RTN4: variants seen among roughly 807,000 people sequenced by gnomAD.
The protein encoded by RTN4 is reticulon-4.
A neutral mutation model predicts 90.4 loss-of-function variants in RTN4; 32 were observed. The ratio of observed to expected loss-of-function variants is 0.35; its 90% confidence interval spans 0.27 to 0.48. RTN4 has a LOEUF of 0.48. Among genes scored for constraint, RTN4 ranks in the 20% least tolerant of loss-of-function variants. The pLI is 0.99. For synonymous variants in RTN4, 629 were observed against 552.5 expected, an observed-to-expected ratio of 1.14 and a Z score of -1.94; for missense variants, 1,706 against 1,430.2, an observed-to-expected ratio of 1.19 and a Z score of -3.11.
chr2:54,993,987 G>C (rs942726600), intron 3 of RTN4, among the ~76,000 whole-genome samples: 1 of 152,168 alleles, frequency 6.6e-6, no homozygotes, highest in African/African-American at 2.4e-5. Context: ...ACCAAACAGT[G>C]TGGCTGACTT....
At chr2:55,113,676 C>G (rs1009555), upstream of RTN4, among the ~76,000 whole-genome samples, 46,575 of 152,022 alleles carry the variant, frequency 0.31, 7,457 homozygotes, top group African/African-American at 0.39. Flanking sequence ...GTTTCACAAC[C>G]CACATCATCC....
intron 3 of RTN4, among the ~76,000 whole-genome samples, chr2:55,009,162 C>T (rs574158513): frequency 6.6e-6 from 1 of 151,932 alleles, no homozygotes; most frequent in East Asian, 1.9e-4. Context: ...GCCAATCCTG[C>T]TAGAAGGAAA....
chr2:55,090,585 C>T (rs112374918), intron 1 of RTN4, among the ~76,000 whole-genome samples: 41 of 152,252 alleles, frequency 2.7e-4, no homozygotes, highest in African/African-American at 7.5e-4. Flanking sequence ...CTGGAAGTTT[C>T]GCCAAAATCA....
At chr2:55,106,910 A>G (rs1667953619) in intron 1 of RTN4, among the ~76,000 whole-genome samples, 1 of 152,204 alleles carries the variant, frequency 6.6e-6, no homozygotes, top group Admixed American at 6.5e-5. Context: ...ACAGTACACA[A>G]ACACTAGCAC....
chr2:55,094,397 G>A (rs1447009972), intron 1 of RTN4, among the ~76,000 whole-genome samples: 2 of 152,196 alleles, frequency 1.3e-5, no homozygotes, highest in African/African-American at 4.8e-5. Flanking sequence ...CTGACAAAGA[G>A]AGTGTTTTAC....
intron 2 of RTN4, among the ~76,000 whole-genome samples, chr2:55,062,327 A>G (rs918653300): frequency 2.0e-5 from 3 of 152,082 alleles, no homozygotes; most frequent in Non-Finnish European, 4.4e-5. Flanking sequence ...TGAGCTGACT[A>G]ACACAAGCCG....
intron 3 of RTN4, among the ~76,000 whole-genome samples, chr2:55,024,418 T>C (rs1210708868): frequency 1.3e-5 from 2 of 152,140 alleles, no homozygotes; most frequent in Non-Finnish European, 2.9e-5. Flanking sequence ...ATAATCACTA[T>C]TTTAGAGAAA....
chr2:55,032,103 C>T (rs1291073986), intron 1 of RTN4, among the ~76,000 whole-genome samples: 1 of 150,384 alleles, frequency 6.6e-6, no homozygotes, highest in Non-Finnish European at 1.5e-5. Context: ...TTTTTTGAGG[C>T]GGAGTCTTGC....
chr2:54,975,483 G>A (rs573255097), intron 5 of RTN4, among the ~76,000 whole-genome samples: 47 of 152,268 alleles, frequency 3.1e-4, no homozygotes, highest in African/African-American at 1.1e-3. Flanking sequence ...TATCTAAAGC[G>A]GGGATCAGCA....
chr2:55,041,958 A>G (rs1191526424), intron 1 of RTN4, among the ~76,000 whole-genome samples: 2 of 152,062 alleles, frequency 1.3e-5, no homozygotes, highest in Non-Finnish European at 2.9e-5. Flanking sequence ...AGTTTTCAAG[A>G]CATATGACAA....
chr2:55,089,670 G>A (rs963009392), intron 1 of RTN4, among the ~76,000 whole-genome samples: 10 of 152,176 alleles, frequency 6.6e-5, no homozygotes, highest in Non-Finnish European at 1.2e-4. Flanking sequence ...GTTTCTAGTC[G>A]TCATTTCCCA....
chr2:55,050,732 T>C (rs201992141), upstream of RTN4: 3 of 153,978 alleles, frequency 1.9e-5, no homozygotes, highest in Admixed American at 6.5e-5. The surrounding 1 kb of genome is among the most constrained non-coding windows in gnomAD (Gnocchi z 4.6). Context: ...GGGATTGCGT[T>C]CAATGGGCGG....
intron 1 of RTN4, among the ~76,000 whole-genome samples, chr2:55,100,552 G>C (rs943022255): frequency 1.3e-5 from 2 of 152,104 alleles, no homozygotes; most frequent in Admixed American, 6.6e-5. Context: ...CCTGTGGGCT[G>C]TTTCCTTGGT....
In RTN4 at chr2:55,025,309, C is replaced by T; in HGVS notation, c.2790G>A (p.Glu930=). 2 of 1,613,920 alleles carry T rather than the reference C, an allele frequency of 1.2e-6. No individual in the cohort carries two copies. The highest frequency in any genetic ancestry group is 1.7e-6 in the Non-Finnish European group (2 of 1,179,874). Residue 930 remains glutamate (E), a synonymous_variant, in exon 3 of 9, where the codon GAG becomes GAA. Transcript: ENST00000337526. ...SLKNIQPKVE[E]KISFSDDFSK... ...AAAAGTCATCTGAGAAACTGATTTT[C>T]TCTTCAACTTTGGGTTGTATGTTCT...
chr2:55,041,670 T>C (rs1683085311), intron 1 of RTN4, among the ~76,000 whole-genome samples: 1 of 152,086 alleles, frequency 6.6e-6, no homozygotes, highest in South Asian at 2.1e-4. Flanking sequence ...ATTATTTCAC[T>C]ACTTCACTCT....
chr2:55,008,236 G>C (rs908907770), intron 3 of RTN4, among the ~76,000 whole-genome samples: 2 of 151,356 alleles, frequency 1.3e-5, no homozygotes, highest in African/African-American at 4.9e-5. Flanking sequence ...TGCTATACTG[G>C]TGGTCAGGGG....
chr2:55,006,605 T>C (rs1680243903), intron 3 of RTN4, among the ~76,000 whole-genome samples: 1 of 152,136 alleles, frequency 6.6e-6, no homozygotes, highest in African/African-American at 2.4e-5. Flanking sequence ...GCTAGGAACA[T>C]TTCTTTCCCT....
chr2:55,109,194 T>C (rs1474630863), intron 1 of RTN4, among the ~76,000 whole-genome samples: 1 of 152,144 alleles, frequency 6.6e-6, no homozygotes. Flanking sequence ...CTAAATTCCT[T>C]TAAAAATAAA....
At chr2:54,990,193 G>A (rs1004774187) in intron 3 of RTN4, among the ~76,000 whole-genome samples, 3 of 152,130 alleles carry the variant, frequency 2.0e-5, no homozygotes, top group Admixed American at 6.5e-5. Context: ...AGATAGAAAG[G>A]AGAAAAAACT....
Sources: allele counts gnomAD v4.1 joint callset (sites outside exome capture counted in the v4.1 genomes callset), GRCh38; gene constraint gnomAD v4.1.1; non-coding constraint Gnocchi (gnomAD v3.1); transcripts MANE v1.5; gene names NCBI Gene and HGNC (gene_info 2026-07-23, HGNC 2026-07-21).